Variants in OTOGL observed in about 807,000 individuals in gnomAD.
OTOGL encodes otogelin-like protein.
A neutral mutation model predicts 318.5 loss-of-function variants in OTOGL; 285 were observed. That is an observed-to-expected ratio of 0.89 (90% CI 0.81 to 0.99). The LOEUF is 0.99. Ranked by LOEUF, OTOGL falls within the 50% of genes least tolerant of loss-of-function variation. The probability of loss-of-function intolerance (pLI) is 0.00; values close to 1 mark genes in which losing one functional copy is unlikely to be tolerated. For missense variants in OTOGL, 2,899 were observed against 2,845.6 expected, an observed-to-expected ratio of 1.02 and a Z score of -0.43; for synonymous variants, 987 against 936.5, an observed-to-expected ratio of 1.05 and a Z score of -0.99.
intron 5 of OTOGL, among the ~76,000 whole-genome samples, chr12:80,219,432 A>G (rs1305259172): frequency 2.0e-5 from 3 of 152,186 alleles, no homozygotes; most frequent in East Asian, 3.9e-4. Context: ...TGCTCCTGGA[A>G]GAGGAGCTGA....
At chr12:80,361,019 A>T (rs907112689) in intron 52 of OTOGL, 14 of 152,050 alleles carry the variant, frequency 9.2e-5, no homozygotes, top group African/African-American at 3.4e-4. Context: ...AACAATTTTT[A>T]AAAATACAAT....
intron 1 of OTOGL, chr12:80,131,987 T>G (rs987231631): frequency 4.6e-5 from 7 of 152,224 alleles, no homozygotes; most frequent in Admixed American, 3.9e-4. Flanking sequence ...ATGTCCTTCA[T>G]CATTAACTAC....
At chr12:80,331,333 A>ATT (rs386377119) in intron 37 of OTOGL, among the ~76,000 whole-genome samples, 4,604 of 81,680 alleles carry the variant, frequency 0.056, 172 homozygotes, top group African/African-American at 0.067. Flanking sequence ...AGTCATTAGA[A>ATT]TTTTTTTTTT....
At position 80,267,270 on chromosome 12, in the gene OTOGL, A is replaced by T. The variant is rs760092056; in HGVS notation, c.2408A>T (p.His803Leu). ...TCGTATAGATTCCACTGCCGTTGTC[A>T]TTATAGGGGCAGTGTTTATCAACCT... The part of the protein sequence containing the change: ...FCVPIFHCRC[H>L]YRGSVYQPGE... The change falls in exon 22 of 59, where the codon CAT becomes CTT. Residue 803 changes from histidine (H) to leucine (L), a missense_variant. This residue lies in a region of OTOGL where 2,607 missense variants were observed against 2,524.9 expected (regional missense o/e 1.03). Transcript: ENST00000547103. The T allele has an allele frequency of 1.3e-6, 2 of 1,560,028 alleles. No individual in the cohort carries two copies. The highest frequency in any genetic ancestry group is 1.4e-5 in the African/African-American group (1 of 73,424).
chr12:80,280,969 A>T (rs192633777), intron 26 of OTOGL, among the ~76,000 whole-genome samples: 222 of 151,462 alleles, frequency 1.5e-3, no homozygotes, highest in African/African-American at 4.9e-3. Flanking sequence ...TTGTGAATGG[A>T]ATTACATTCT....
chr12:80,221,981 C>A, intron 6 of OTOGL, 110 bp from the exon 7 acceptor site: 1 of 1,223,842 alleles, frequency 8.2e-7, no homozygotes, highest in Non-Finnish European at 1.1e-6. Context: ...TGTTATAGAC[C>A]AAGGAAGGAA....
At chr12:80,219,387 C>T (rs565928840) in intron 5 of OTOGL, among the ~76,000 whole-genome samples, 6 of 152,354 alleles carry the variant, frequency 3.9e-5, no homozygotes, top group African/African-American at 1.4e-4. Context: ...GCTGGGATTA[C>T]AGGCATGAGA....
chr12:80,270,234 C>A, intron 23 of OTOGL, 80 bp downstream of exon 23: 1 of 1,160,160 alleles, frequency 8.6e-7, no homozygotes, highest in Non-Finnish European at 1.3e-6. Flanking sequence ...TCATCAATCA[C>A]CTCTTCTTCC....
chr12:80,198,314 G>A (rs565675806), intron 1 of OTOGL, among the ~76,000 whole-genome samples: 2 of 152,262 alleles, frequency 1.3e-5, no homozygotes, highest in African/African-American at 2.4e-5. Flanking sequence ...CTGGCTGGGT[G>A]CGGTGGCTCA....
chr12:80,309,689 G>A (rs1886499680), intron 29 of OTOGL, among the ~76,000 whole-genome samples: 1 of 152,180 alleles, frequency 6.6e-6, no homozygotes, highest in African/African-American at 2.4e-5. Flanking sequence ...GGCTTCCTGG[G>A]TGGATACTGG....
At chr12:80,338,750 A>C (rs892669059) in intron 42 of OTOGL, among the ~76,000 whole-genome samples, 10 of 152,068 alleles carry the variant, frequency 6.6e-5, no homozygotes, top group African/African-American at 2.4e-4. Flanking sequence ...ATTATCTTAA[A>C]TTCATATTAG....
intron 27 of OTOGL, among the ~76,000 whole-genome samples, chr12:80,297,467 G>A (rs1360656171): frequency 6.6e-6 from 1 of 151,876 alleles, no homozygotes; most frequent in African/African-American, 2.4e-5. Context: ...GAGTAACTGG[G>A]ATTAACATAT....
chr12:80,210,053 A>G (rs992674745), intron 2 of OTOGL, among the ~76,000 whole-genome samples: 4 of 152,098 alleles, frequency 2.6e-5, no homozygotes, highest in Admixed American at 6.6e-5. Context: ...TGGTAATTTT[A>G]TTAATAAATT....
intron 52 of OTOGL, among the ~76,000 whole-genome samples, chr12:80,359,866 A>G (rs978766855): frequency 2.0e-5 from 3 of 152,358 alleles, no homozygotes; most frequent in Non-Finnish European, 2.9e-5. Context: ...TAACATATTC[A>G]GTATACTATC....
At chr12:80,160,490 A>G (rs182140047) in intron 1 of OTOGL, among the ~76,000 whole-genome samples, 2 of 152,204 alleles carry the variant, frequency 1.3e-5, no homozygotes, top group African/African-American at 2.4e-5. Context: ...AATGCTCAAC[A>G]TCACTAATTA....
At position 80,370,631 on chromosome 12, in the gene OTOGL, C is replaced by A. The variant is rs1374522617; in HGVS notation, c.6677C>A (p.Ala2226Glu). The change falls in exon 56 of 59, where the codon GCA (alanine) becomes GAA (glutamate). Residue 2226 changes from alanine to glutamate, a missense_variant. Ala to Glu is a moderately radical substitution (Grantham distance 107). This residue lies in a region of OTOGL where 289 missense variants were observed against 304.6 expected (regional missense o/e 0.95). Coordinates refer to ENST00000547103, the MANE Select transcript of OTOGL (RefSeq NM_001378609.3). ...TYECVKTDEG[A>E]IILNYTMVCP... ...GAATGTGTTAAAACTGATGAAGGAG[C>A]AATAATTCTGAACTACACAATGGTC... is the stretch of plus-strand genomic sequence containing the variant. The A allele has an allele frequency of 1.3e-6, 2 of 1,591,224 alleles. No homozygotes were observed. Among genetic ancestry groups the A allele is most frequent in the South Asian group, 1.1e-5 (1 of 88,072 alleles).
At chr12:80,356,954 G>T in intron 49 of OTOGL, 40 bp downstream of exon 49, 3 of 1,293,976 alleles carry the variant, frequency 2.3e-6, no homozygotes, top group South Asian at 1.6e-5. Flanking sequence ...GAAGAGAAAG[G>T]ATCTAGGAAA....
intron 30 of OTOGL, among the ~76,000 whole-genome samples, chr12:80,312,626 T>G (rs1475486218): frequency 6.6e-6 from 1 of 152,058 alleles, no homozygotes; most frequent in East Asian, 1.9e-4. Context: ...ATAAAAAGGG[T>G]TGCTTTTGAG....
chr12:80,355,316 T>G (rs1431275421), intron 46 of OTOGL, among the ~76,000 whole-genome samples: 1 of 147,486 alleles, frequency 6.8e-6, no homozygotes, highest in Non-Finnish European at 1.5e-5. Flanking sequence ...CCTCAAACTC[T>G]GGGCCTCCAG....
Sources: gnomAD v4.1 joint callset for allele counts (sites outside exome capture counted in the v4.1 genomes callset) on GRCh38, gnomAD v4.1.1 for gene constraint, gnomAD v4.1.1 regional missense constraint, MANE v1.5 for transcripts, NCBI Gene and HGNC (gene_info 2026-07-23, HGNC 2026-07-21) for gene names.